The following MLLT3 variants were observed in gnomAD, a reference collection of about 807,000 sequenced individuals.
The protein encoded by MLLT3 is MLLT3 super elongation complex subunit.
A neutral mutation model predicts 53.2 loss-of-function variants in MLLT3; 4 were observed. The ratio of observed to expected loss-of-function variants is 0.08; its 90% CI spans 0.04 to 0.17. The LOEUF is 0.17. MLLT3 is among the 10% of genes least tolerant of loss of function. The pLI is 1.00. For missense variants in MLLT3, 569 were observed against 684.0 expected, an observed-to-expected ratio of 0.83 and a Z score of 1.87; for synonymous variants, 283 against 230.6, an observed-to-expected ratio of 1.23 and a Z score of -2.06.
intron 5 of MLLT3, among the ~76,000 whole-genome samples, chr9:20,380,770 T>A (rs1821890317): frequency 6.6e-6 from 1 of 152,042 alleles, no homozygotes. Flanking sequence ...GTTTTTATCT[T>A]AGGAACAATG....
At chr9:20,544,650 A>G (rs186778346) in intron 2 of MLLT3, among the ~76,000 whole-genome samples, 3 of 152,380 alleles carry the variant, frequency 2.0e-5, no homozygotes, top group East Asian at 1.9e-4. Context: ...ACAAAATGGT[A>G]GAGCTGCTAT....
At chr9:20,458,164 G>C (rs1384560141) in intron 2 of MLLT3, among the ~76,000 whole-genome samples, 1 of 152,126 alleles carries the variant, frequency 6.6e-6, no homozygotes, top group Non-Finnish European at 1.5e-5. Context: ...AGACCACAAA[G>C]CATTACCATC....
chr9:20,552,167 A>G (rs1017572705), intron 2 of MLLT3, among the ~76,000 whole-genome samples: 3 of 152,204 alleles, frequency 2.0e-5, no homozygotes, highest in Non-Finnish European at 4.4e-5. Flanking sequence ...ACAGTAGCAA[A>G]GATGTTTTTA....
chr9:20,608,931 G>C (rs1032922676), intron 2 of MLLT3, among the ~76,000 whole-genome samples: 5 of 152,024 alleles, frequency 3.3e-5, no homozygotes, highest in African/African-American at 9.6e-5. Context: ...TCTTTTCAGT[G>C]ATGTATTTTT....
intron 2 of MLLT3, among the ~76,000 whole-genome samples, chr9:20,598,937 G>C (rs910908967): frequency 1.3e-5 from 2 of 152,196 alleles, no homozygotes; most frequent in Non-Finnish European, 2.9e-5. Context: ...AAAAATTAAA[G>C]GGAAAAGCAC....
chr9:20,406,589 C>A (rs1284224141), intron 5 of MLLT3, among the ~76,000 whole-genome samples: 1 of 152,156 alleles, frequency 6.6e-6, no homozygotes, highest in Non-Finnish European at 1.5e-5. Context: ...TGATTCTAAG[C>A]ACTGAGGTCT....
rs144983082 is a variant in MLLT3, at chr9:20,413,958, T to C, written c.888A>G (p.Lys296=). ...PISDSEELSA[K]KRKKSSSEAL... ...CCTCTGAGCTACTCTTTTTCCTTTT[T>C]TTGGCTGAGAGTTCTTCAGAATCTG... is the stretch of plus-strand genomic sequence containing the variant. Residue 296 remains lysine, a synonymous_variant, in exon 5 of 11, where the codon AAA becomes AAG. Transcript: ENST00000380338. 356 of 1,613,742 alleles carry C rather than the reference T, an allele frequency of 2.2e-4. No homozygotes were observed. The highest frequency in any genetic ancestry group is 2.9e-4 in the Non-Finnish European group (343 of 1,179,952).
chr9:20,595,997 A>G (rs911518800), intron 2 of MLLT3, among the ~76,000 whole-genome samples: 1 of 152,232 alleles, frequency 6.6e-6, no homozygotes, highest in Non-Finnish European at 1.5e-5. Flanking sequence ...TAAAAGCCAC[A>G]TATGTCTAGT....
chr9:20,475,049 C>T (rs1339572757), intron 2 of MLLT3, among the ~76,000 whole-genome samples: 1 of 152,016 alleles, frequency 6.6e-6, no homozygotes, highest in Non-Finnish European at 1.5e-5. Context: ...AAAGTAATGG[C>T]ATGAGAAATG....
At chr9:20,586,431 G>A (rs891740866) in intron 2 of MLLT3, among the ~76,000 whole-genome samples, 6 of 151,148 alleles carry the variant, frequency 4.0e-5, no homozygotes, top group African/African-American at 2.4e-5. Context: ...GAAAATTGAC[G>A]TTTGCCCAAA....
chr9:20,495,766 T>C (rs1286237870), intron 2 of MLLT3, among the ~76,000 whole-genome samples: 1 of 152,316 alleles, frequency 6.6e-6, no homozygotes, highest in East Asian at 1.9e-4. Context: ...AGTTAAAAAA[T>C]GTTTTAAAGA....
rs74494384 is a variant in MLLT3, at chr9:20,463,284, G to C, written c.194-6498C>G. ...CCTGGCTTCTCTTTCAAGGGGGTGGGGGGGAGGAGAAATTTTCTTTAACAT... is the reference window on the plus strand; with the variant it reads ...CCTGGCTTCTCTTTCAAGGGGGTGGCGGGGAGGAGAAATTTTCTTTAACAT... On this transcript the variant is annotated intron_variant, in intron 2 of 10. Coordinates refer to ENST00000380338, the MANE Select transcript of MLLT3 (RefSeq NM_004529.4). Among the ~76,000 whole-genome samples, 542 of 151,944 alleles carry C rather than the reference G, an allele frequency of 3.6e-3. 23 individuals are homozygous for C. The South Asian group carries it at 0.068, about 19-fold the overall frequency.
At chr9:20,578,624 G>A (rs1018268360) in intron 2 of MLLT3, among the ~76,000 whole-genome samples, 15 of 152,054 alleles carry the variant, frequency 9.9e-5, no homozygotes, top group African/African-American at 3.6e-4. Context: ...CGCAACTACT[G>A]AGCACGTCAA....
intron 5 of MLLT3, among the ~76,000 whole-genome samples, chr9:20,403,731 G>C (rs1245061409): frequency 6.6e-6 from 1 of 152,108 alleles, no homozygotes; most frequent in East Asian, 1.9e-4. Flanking sequence ...ATGTGAACTA[G>C]GACACGTGAA....
chr9:20,382,043 A>C (rs1821921015), intron 5 of MLLT3, among the ~76,000 whole-genome samples: 1 of 151,888 alleles, frequency 6.6e-6, no homozygotes, highest in Non-Finnish European at 1.5e-5. Context: ...AAGTCAGAGG[A>C]GAAGGGTATC....
At position 20,342,373 on chromosome 9, in the gene MLLT3, C is replaced by G. The variant is rs749904467; in HGVS notation, c.*4070G>C. ...ATCTTTCAACATAACTACACATACA[C>G]AGTCCATTAAAAAGATACTGACAGA... On this transcript the variant is annotated 3_prime_UTR_variant, in exon 11 of 11. Transcript: ENST00000380338. 1 of 224,146 alleles carries G rather than the reference C, an allele frequency of 4.5e-6. No homozygotes were observed. Among genetic ancestry groups the G allele is most frequent in the African/African-American group, 2.2e-5 (1 of 44,830 alleles). The allele number at this position is 224,146 out of a possible 1,614,324, so 13.9% of individuals were successfully genotyped here. A position where few individuals can be genotyped will look rare whatever the true frequency, so the allele number is the denominator to read the frequency against.
chr9:20,521,099 T>C (rs1284100847), intron 2 of MLLT3, among the ~76,000 whole-genome samples: 2 of 150,216 alleles, frequency 1.3e-5, no homozygotes, highest in Admixed American at 6.7e-5. Context: ...AAGGAGAGAG[T>C]CTTGCTCTGT....
intron 2 of MLLT3, among the ~76,000 whole-genome samples, chr9:20,613,735 A>G (rs1281594751): frequency 6.6e-6 from 1 of 152,180 alleles, no homozygotes; most frequent in African/African-American, 2.4e-5. Context: ...CAGTTTTTCC[A>G]CACAGATTGG....
Position 20,584,503 on chromosome 9 carries a change from A to G in MLLT3, c.193+36151T>C, listed in dbSNP as rs140229986. On this transcript the variant is annotated intron_variant, in intron 2 of 10. Transcript: ENST00000380338. The stretch of plus-strand genomic sequence containing the variant: ...ATACCCATTTCACGCTGCTGGGAAG[A>G]AAAAAGAGGTTTAATTGGACTTACA... Among the ~76,000 whole-genome samples, 7 of 152,322 alleles carry G rather than the reference A, an allele frequency of 4.6e-5. No homozygotes were observed. The East Asian group carries it at 9.6e-4, about 21-fold the overall frequency.
Sources: allele counts gnomAD v4.1 joint callset (sites outside exome capture counted in the v4.1 genomes callset), GRCh38; gene constraint gnomAD v4.1.1; transcripts MANE v1.5; gene names NCBI Gene and HGNC (gene_info 2026-07-23, HGNC 2026-07-21).